Variants in ARHGAP39 observed in about 807,000 individuals in gnomAD.
ARHGAP39 encodes the protein Rho GTPase activating protein 39.
A neutral mutation model predicts 106.9 loss-of-function variants in ARHGAP39; 44 were observed. The ratio of observed to expected loss-of-function variants is 0.41; its 90% confidence interval spans 0.32 to 0.53. ARHGAP39 has a LOEUF of 0.53. ARHGAP39 is among the 20% of genes least tolerant of loss of function. The probability of loss-of-function intolerance (pLI) is 0.21; values close to 1 mark genes in which losing one functional copy is unlikely to be tolerated. For missense variants in ARHGAP39, 1,496 were observed against 1,577.3 expected, an observed-to-expected ratio of 0.95 and a Z score of 0.87; for synonymous variants, 768 against 693.2, an observed-to-expected ratio of 1.11 and a Z score of -1.69.
At chr8:144,676,162 T>C (rs1178567510) in intron 1 of ARHGAP39, among the ~76,000 whole-genome samples, 1 of 152,248 alleles carries the variant, frequency 6.6e-6, no homozygotes, top group African/African-American at 2.4e-5. Flanking sequence ...TTGCCGCTGC[T>C]GGCTTGGGTG....
intron 3 of ARHGAP39, among the ~76,000 whole-genome samples, chr8:144,570,956 C>A (rs184455962): frequency 6.6e-6 from 1 of 152,120 alleles, no homozygotes; most frequent in Non-Finnish European, 1.5e-5. Flanking sequence ...TCTGAATAGA[C>A]GAATAACAGG....
intron 2 of ARHGAP39, among the ~76,000 whole-genome samples, chr8:144,602,471 G>A (rs1820051108): frequency 7.2e-6 from 1 of 139,188 alleles, no homozygotes; most frequent in Non-Finnish European, 1.5e-5. Flanking sequence ...ACCTGTGCAT[G>A]TGCGTGGTGT....
chr8:144,544,954 C>T lies in ARHGAP39; in HGVS notation c.2521+295G>A, dbSNP rs117554647. Among the ~76,000 whole-genome samples the T allele has an allele frequency of 9.2e-5, 14 of 152,394 alleles. No homozygotes were observed. In the East Asian group the frequency reaches 2.7e-3, roughly 29 times the overall value. On this transcript the variant is annotated intron_variant, in intron 6 of 11. Coordinates refer to ENST00000377307, the MANE Select transcript of ARHGAP39 (RefSeq NM_025251.3). ...TCGGCGTCTTCGTGCCTGCCCTTGT[C>T]AGGGAGCGGGACTGGCCATGGTGGG... is the stretch of plus-strand genomic sequence containing the variant.
At chr8:144,539,134 G>T (rs1423567134) in intron 6 of ARHGAP39, among the ~76,000 whole-genome samples, 1 of 152,164 alleles carries the variant, frequency 6.6e-6, no homozygotes, top group Non-Finnish European at 1.5e-5. Context: ...ATCTGGGTGT[G>T]CGATGTGCTT....
At chr8:144,619,363 G>GGCC (rs1820723716) in intron 1 of ARHGAP39, among the ~76,000 whole-genome samples, 1 of 152,236 alleles carries the variant, frequency 6.6e-6, no homozygotes, top group Admixed American at 6.5e-5. Flanking sequence ...CATGCATGTG[G>GGCC]GCCTGTGTGT....
At chr8:144,593,443 A>C (rs933941489) in intron 2 of ARHGAP39, among the ~76,000 whole-genome samples, 3 of 152,192 alleles carry the variant, frequency 2.0e-5, no homozygotes, top group African/African-American at 7.2e-5. Context: ...AGTAGACGAA[A>C]GGTCTCAATG....
At chr8:144,559,063 C>A (rs2130864013) in intron 3 of ARHGAP39, among the ~76,000 whole-genome samples, 1 of 152,056 alleles carries the variant, frequency 6.6e-6, no homozygotes, top group East Asian at 1.9e-4. Flanking sequence ...AAAAAATTAG[C>A]CAGGTGTGGT....
intron 2 of ARHGAP39, among the ~76,000 whole-genome samples, chr8:144,601,021 CGT>C (rs1363564325): frequency 2.0e-5 from 2 of 102,482 alleles, no homozygotes; most frequent in Admixed American, 2.2e-4. Context: ...TGCGTGGAGG[CGT>C]GTGCTCGTGT....
At chr8:144,602,609 C>T (rs1820066081) in intron 2 of ARHGAP39, among the ~76,000 whole-genome samples, 1 of 109,950 alleles carries the variant, frequency 9.1e-6, no homozygotes, top group Non-Finnish European at 1.8e-5. Context: ...TGTGCGAGCT[C>T]ATGTACCTGT....
chr8:144,562,567 C>CACACTCCAGTGGTTTCCATT (rs1199140998), intron 3 of ARHGAP39, among the ~76,000 whole-genome samples: 1 of 149,452 alleles, frequency 6.7e-6, no homozygotes, highest in Non-Finnish European at 1.5e-5. Context: ...TGGTTTCCAT[C>CACACTCCAGTGGTTTCCATT]ACACTCCAGT....
chr8:144,642,688 C>A (rs1441413979), intron 1 of ARHGAP39, among the ~76,000 whole-genome samples: 1 of 151,976 alleles, frequency 6.6e-6, no homozygotes, highest in Non-Finnish European at 1.5e-5. Context: ...TCATGAGATC[C>A]GATGGTTTTA....
intron 2 of ARHGAP39, among the ~76,000 whole-genome samples, chr8:144,583,152 TC>T (rs1819060200): frequency 1.4e-5 from 2 of 145,368 alleles, no homozygotes; most frequent in African/African-American, 2.5e-5. Context: ...GCCCAGCCCC[TC>T]CCTCCCAGCC....
chr8:144,561,343 TCCCAGTGGTTTCCATCGGGC>T (rs890872007), intron 3 of ARHGAP39, among the ~76,000 whole-genome samples: 3 of 107,900 alleles, frequency 2.8e-5, no homozygotes, highest in African/African-American at 7.5e-5. Context: ...TTCCATCACA[TCCCAGTGGTTTCCATCGGGC>T]CCCAGTGGTT....
intron 7 of ARHGAP39, 77 bp from the exon 8 acceptor site, chr8:144,534,279 C>A: frequency 6.5e-7 from 1 of 1,540,084 alleles, no homozygotes; most frequent in Non-Finnish European, 9.0e-7. Flanking sequence ...GCAGACACAG[C>A]TCCTTCGAGG....
intron 4 of ARHGAP39, among the ~76,000 whole-genome samples, chr8:144,553,912 C>T (rs1817816322): frequency 1.3e-5 from 2 of 152,266 alleles, no homozygotes; most frequent in Admixed American, 6.5e-5. Flanking sequence ...AGCCCAATGC[C>T]CCACACAGAG....
intron 2 of ARHGAP39, among the ~76,000 whole-genome samples, chr8:144,601,556 G>A (rs571685818): frequency 1.1e-3 from 145 of 135,790 alleles, no homozygotes; most frequent in Middle Eastern, 0.011. Context: ...GCGTGCGTGC[G>A]AGCTCGTGTA....
chr8:144,642,108 C>T (rs532330608), intron 1 of ARHGAP39, among the ~76,000 whole-genome samples: 6 of 152,294 alleles, frequency 3.9e-5, no homozygotes, highest in East Asian at 1.9e-4. Context: ...GATGCTGAGG[C>T]GGGCTGATTG....
At chr8:144,682,278 G>A (rs1244478843) in intron 1 of ARHGAP39, among the ~76,000 whole-genome samples, 15 of 136,910 alleles carry the variant, frequency 1.1e-4, no homozygotes, top group East Asian at 2.2e-4. Context: ...GGCCGGGCGC[G>A]GTGGCTCACT....
At chr8:144,534,251 G>T in intron 7 of ARHGAP39, 49 bp from the exon 8 acceptor site, 2 of 1,604,986 alleles carry the variant, frequency 1.2e-6, no homozygotes, top group Non-Finnish European at 1.7e-6. Flanking sequence ...TGTGGGTGTG[G>T]GGCCAGGAGA....
Sources: allele counts gnomAD v4.1 joint callset (sites outside exome capture counted in the v4.1 genomes callset), GRCh38; gene constraint gnomAD v4.1.1; transcripts MANE v1.5; gene names NCBI Gene and HGNC (gene_info 2026-07-23, HGNC 2026-07-21).